GREM2: variants seen among roughly 807,000 people sequenced by gnomAD.
GREM2 encodes gremlin-2.
A neutral mutation model predicts 14.2 loss-of-function variants in GREM2; 11 were observed. The ratio of observed to expected loss-of-function variants is 0.78; its 90% confidence interval spans 0.49 to 1.28. The LOEUF (loss-of-function observed/expected upper bound fraction) is 1.28. Among genes scored for constraint, GREM2 ranks in the 50% most tolerant of loss-of-function variants. GREM2 has a pLI of 0.00. For missense variants in GREM2, 210 were observed against 218.5 expected (o/e 0.96, Z 0.24); for synonymous variants, 98 against 97.6 (o/e 1.00, Z -0.02).
At chr1:240,551,588 C>G (rs1454189183) in intron 1 of GREM2, among the ~76,000 whole-genome samples, 1 of 151,704 alleles carries the variant, frequency 6.6e-6, no homozygotes, top group East Asian at 1.9e-4. Flanking sequence ...CCTTGGCCTC[C>G]CAAAGTGCCG....
At chr1:240,589,915 C>A (rs1045323828) in intron 1 of GREM2, among the ~76,000 whole-genome samples, 3 of 151,878 alleles carry the variant, frequency 2.0e-5, no homozygotes, top group African/African-American at 7.3e-5. Flanking sequence ...TTTCAACAGG[C>A]GGATGTTGGA....
intron 1 of GREM2, among the ~76,000 whole-genome samples, chr1:240,496,017 A>C (rs1572362170): frequency 1.3e-5 from 2 of 151,860 alleles, no homozygotes; most frequent in Admixed American, 1.3e-4. Flanking sequence ...GCTCACTGCA[A>C]CCTCTGCCTC....
intron 1 of GREM2, among the ~76,000 whole-genome samples, chr1:240,506,112 T>A (rs1376879304): frequency 2.6e-5 from 4 of 152,152 alleles, no homozygotes; most frequent in African/African-American, 9.7e-5. Context: ...CTGAAGTATA[T>A]TAAAGCATAT....
chr1:240,525,944 G>A (rs529227293), intron 1 of GREM2, among the ~76,000 whole-genome samples: 10 of 152,118 alleles, frequency 6.6e-5, no homozygotes, highest in East Asian at 1.9e-4. Context: ...ATTGGCTCCC[G>A]GTATTATTTC....
intron 1 of GREM2, among the ~76,000 whole-genome samples, chr1:240,570,306 T>A (rs375380067): frequency 2.0e-5 from 3 of 151,804 alleles, no homozygotes; most frequent in Admixed American, 1.3e-4. Flanking sequence ...CACTAAAAAT[T>A]CAAAAATTAG....
intron 1 of GREM2, among the ~76,000 whole-genome samples, chr1:240,547,517 ATATAT>A (rs1678763225): frequency 9.6e-5 from 4 of 41,820 alleles, no homozygotes; most frequent in African/African-American, 2.6e-4. Flanking sequence ...AAAAAAAAAT[ATATAT>A]ATATATATAT....
intron 1 of GREM2, among the ~76,000 whole-genome samples, chr1:240,520,566 CAG>C (rs1473230187): frequency 1.3e-5 from 2 of 151,726 alleles, no homozygotes; most frequent in South Asian, 2.1e-4. Flanking sequence ...TTTTTTGAGA[CAG>C]AGTCTTACTC....
chr1:240,600,333 C>T (rs1679897928), intron 1 of GREM2, among the ~76,000 whole-genome samples: 1 of 152,104 alleles, frequency 6.6e-6, no homozygotes, highest in South Asian at 2.1e-4. Context: ...AAAAGTGGCA[C>T]AGTGTAAATT....
In GREM2 at chr1:240,543,965, A is replaced by G. The variant is rs1024201532; in HGVS notation, c.-1-50489T>C. 1.3e-5 allele frequency among the ~76,000 whole-genome samples: 2 copies of G among 152,224 alleles called. No individual in the cohort carries two copies. The highest frequency in any genetic ancestry group is 4.8e-5 in the African/African-American group (2 of 41,462). Reference sequence around the variant, plus strand: ...CATTCATGGGTTCAACCAACCTCAGATCAAAAATATTAAGGAAAATTCCAC... The same window carrying G: ...CATTCATGGGTTCAACCAACCTCAGGTCAAAAATATTAAGGAAAATTCCAC... On this transcript the variant is annotated intron_variant, in intron 1 of 1. Transcript: ENST00000318160. The surrounding 1 kb of genome is among the most constrained non-coding windows in gnomAD (Gnocchi z 6.4).
intron 1 of GREM2, among the ~76,000 whole-genome samples, chr1:240,498,470 G>A (rs1425857728): frequency 3.9e-5 from 6 of 152,196 alleles, no homozygotes; most frequent in Non-Finnish European, 8.8e-5. Context: ...CAGTGACTGT[G>A]AGGCTGTATC....
At chr1:240,583,835 C>T (rs1289457095) in intron 1 of GREM2, among the ~76,000 whole-genome samples, 2 of 152,106 alleles carry the variant, frequency 1.3e-5, no homozygotes, top group African/African-American at 4.8e-5. Context: ...ATCTCTTGAC[C>T]TCGTGATCTG....
chr1:240,600,385 A>C (rs569059432), intron 1 of GREM2, among the ~76,000 whole-genome samples: 1 of 152,302 alleles, frequency 6.6e-6, no homozygotes, highest in East Asian at 1.9e-4. Flanking sequence ...CTTCCTTTGA[A>C]ATAACAGTTC....
chr1:240,520,552 CT>C (rs983450712), intron 1 of GREM2, among the ~76,000 whole-genome samples: 4 of 151,038 alleles, frequency 2.6e-5, no homozygotes, highest in African/African-American at 4.9e-5. Flanking sequence ...GAAACTTTTT[CT>C]TTTTTTTTGA....
chr1:240,526,554 C>T (rs1048381008), intron 1 of GREM2, among the ~76,000 whole-genome samples: 6 of 152,158 alleles, frequency 3.9e-5, no homozygotes, highest in African/African-American at 1.4e-4. Flanking sequence ...CAGGTTACTC[C>T]TGCCTTCTTC....
chr1:240,547,024 C>T (rs368793250), intron 1 of GREM2, among the ~76,000 whole-genome samples: 3 of 151,902 alleles, frequency 2.0e-5, no homozygotes, highest in South Asian at 4.2e-4. Flanking sequence ...TTGTAGGTGG[C>T]CTAATAAGGG....
rs958689515 is a variant in GREM2 at position 240,490,714 on chromosome 1, G to A, written c.*2255C>T. The stretch of plus-strand genomic sequence containing the variant: ...CATTGCTACACCCACAATTGGGTTC[G>A]AAGAGAGTGTGCTCGTGTTTGCATT... On this transcript the variant is annotated 3_prime_UTR_variant, in exon 2 of 2. Transcript: ENST00000318160. 6.6e-6 allele frequency: 1 copy of A among 152,150 alleles called. No homozygotes were observed. The highest frequency in any genetic ancestry group is 1.5e-5 in the Non-Finnish European group (1 of 68,032). The allele number at this position is 152,150 out of a possible 1,614,324, so 9.4% of individuals were successfully genotyped here.
rs77777870 is a variant in GREM2, at chr1:240,609,261, G to A, written c.-2+2623C>T. Reference sequence around the variant, plus strand: ...GGGACTCTGTTCTACAAATCAGTGCGCCAACACCGTCTGGGTCCCATCAAT... The same window carrying A: ...GGGACTCTGTTCTACAAATCAGTGCACCAACACCGTCTGGGTCCCATCAAT... On this transcript the variant is annotated intron_variant, in intron 1 of 1. Transcript: ENST00000318160. Among the ~76,000 whole-genome samples the A allele has an allele frequency of 2.0e-3, 298 of 151,988 alleles. 2 individuals carry two copies. The highest frequency in any genetic ancestry group is 3.6e-3 in the Non-Finnish European group (247 of 67,988).
chr1:240,513,233 G>T (rs942513848), intron 1 of GREM2, among the ~76,000 whole-genome samples: 1 of 152,146 alleles, frequency 6.6e-6, no homozygotes. Flanking sequence ...GGAGAGAGAA[G>T]AGCTAGCATG....
intron 1 of GREM2, among the ~76,000 whole-genome samples, chr1:240,512,172 T>C (rs753078575): frequency 2.0e-5 from 3 of 152,194 alleles, no homozygotes; most frequent in Non-Finnish European, 2.9e-5. Flanking sequence ...AGGAAAATTA[T>C]TTGAGGGAGA....
Sources: allele counts gnomAD v4.1 joint callset (sites outside exome capture counted in the v4.1 genomes callset), GRCh38; gene constraint gnomAD v4.1.1; non-coding constraint Gnocchi (gnomAD v3.1); transcripts MANE v1.5; gene names NCBI Gene and HGNC (gene_info 2026-07-23, HGNC 2026-07-21).